ABLIM1: variants seen among roughly 807,000 people sequenced by gnomAD.
The protein encoded by ABLIM1 is actin binding LIM protein 1, also known as actin-binding LIM protein 1.
ABLIM1 carries 40 observed loss-of-function variants against 107.0 expected under a neutral mutation model. The observed-to-expected ratio is 0.37, with a 90% CI of 0.29 to 0.49. ABLIM1 has a LOEUF of 0.49. Among genes scored for constraint, ABLIM1 ranks in the 20% least tolerant of loss-of-function variants. The pLI, the probability that ABLIM1 is intolerant of heterozygous loss-of-function variation, is 0.97. For missense variants in ABLIM1, 857 were observed against 1,008.5 expected (o/e 0.85, Z 2.04); for synonymous variants, 357 against 357.3 (o/e 1.00, Z 0.01).
the ABLIM1 span, among the ~76,000 whole-genome samples, chr10:114,789,326 A>C: frequency 6.6e-6 from 1 of 152,360 alleles, no homozygotes; most frequent in South Asian, 2.1e-4. Context: ...TGCTAATTAA[A>C]ACCTTTCGAT....
chr10:114,485,764 T>C (rs2058098488), intron 8 of ABLIM1, among the ~76,000 whole-genome samples: 1 of 152,170 alleles, frequency 6.6e-6, no homozygotes, highest in African/African-American at 2.4e-5. Flanking sequence ...ACCCAGTGGG[T>C]TGCTGAAAGA....
chr10:114,439,839 G>A (rs1318303582), intron 20 of ABLIM1: 2 of 582,364 alleles, frequency 3.4e-6, no homozygotes, highest in Non-Finnish European at 6.0e-6. Flanking sequence ...ACTCTCCAAG[G>A]CCAAAGCAAG....
At chr10:114,734,583 G>C (rs958650576) in intron 1 of ABLIM1, among the ~76,000 whole-genome samples, 1 of 152,110 alleles carries the variant, frequency 6.6e-6, no homozygotes, top group African/African-American at 2.4e-5. Context: ...CCTTTGCAAT[G>C]ATCTGCAAAT....
intron 1 of ABLIM1, among the ~76,000 whole-genome samples, chr10:114,645,239 A>C (rs1260701681): frequency 2.0e-5 from 3 of 152,090 alleles, no homozygotes; most frequent in Non-Finnish European, 4.4e-5. Flanking sequence ...AACAATGGTG[A>C]TGGGGAGGTG....
rs1401720282 is a variant in ABLIM1 at position 114,461,397 on chromosome 10, T to G, written c.1441+4301A>C. ...TTTAAAATACACAACTGAAGGGTTT[T>G]TTTTTTTTTTTAAGAAAAAAAAACA... On this transcript the variant is annotated intron_variant, in intron 12 of 22. Coordinates refer to ENST00000533213, the MANE Select transcript of ABLIM1 (RefSeq NM_002313.7). 4.4e-3 allele frequency among the ~76,000 whole-genome samples: 634 copies of G among 144,562 alleles called. 6 individuals are homozygous for G. The highest frequency in any genetic ancestry group is 0.017 in the African/African-American group (606 of 35,878). The allele number at this position is 144,562 out of a possible 152,430, so 94.8% of individuals were successfully genotyped here.
chr10:114,737,662 A>T (rs2082206807), intron 1 of ABLIM1, among the ~76,000 whole-genome samples: 1 of 152,214 alleles, frequency 6.6e-6, no homozygotes. Flanking sequence ...AAGATGATGT[A>T]CTAAAGGAAC....
intron 1 of ABLIM1, among the ~76,000 whole-genome samples, chr10:114,627,511 G>A (rs553941423): frequency 6.6e-6 from 1 of 152,244 alleles, no homozygotes; most frequent in South Asian, 2.1e-4. Flanking sequence ...TGAGTACCCA[G>A]CACTTTGCCT....
chr10:114,684,046 GA>G (rs1229905167), intron 1 of ABLIM1, among the ~76,000 whole-genome samples: 1 of 152,176 alleles, frequency 6.6e-6, no homozygotes, highest in African/African-American at 2.4e-5. Flanking sequence ...TGCTACAAAA[GA>G]GTCATGTCGA....
chr10:114,617,652 T>C (rs758289257), intron 1 of ABLIM1, among the ~76,000 whole-genome samples: 2 of 152,188 alleles, frequency 1.3e-5, no homozygotes, highest in Non-Finnish European at 2.9e-5. Flanking sequence ...TCTACTCTGA[T>C]GCTTAAAGAA....
intron 4 of ABLIM1, among the ~76,000 whole-genome samples, chr10:114,561,916 AGGGAAAAGATGGATCACTCT>A (rs2069763950): frequency 6.6e-6 from 1 of 152,220 alleles, no homozygotes; most frequent in East Asian, 1.9e-4. Flanking sequence ...CAGGCTCAGG[AGGGAAAAGATGGATCACTCT>A]GGGATCTTGA....
chr10:114,728,096 C>T (rs188869642), intron 1 of ABLIM1, among the ~76,000 whole-genome samples: 59 of 152,156 alleles, frequency 3.9e-4, no homozygotes, highest in African/African-American at 1.3e-3. Context: ...TACTAATAGT[C>T]GGTTCACAAC....
At chr10:114,768,649 A>C (rs2082963176), upstream of ABLIM1, among the ~76,000 whole-genome samples, 1 of 151,976 alleles carries the variant, frequency 6.6e-6, no homozygotes, top group Non-Finnish European at 1.5e-5. Context: ...GGCTCTCGGA[A>C]AGCCTATGGG....
At chr10:114,498,628 A>G (rs568184942) in intron 6 of ABLIM1, among the ~76,000 whole-genome samples, 1 of 152,344 alleles carries the variant, frequency 6.6e-6, no homozygotes, top group Admixed American at 6.5e-5. Context: ...CCTGAAGTTC[A>G]ACCTTAATCC....
chr10:114,780,273 G>A, the ABLIM1 span, among the ~76,000 whole-genome samples: 2 of 152,188 alleles, frequency 1.3e-5, no homozygotes, highest in African/African-American at 2.4e-5. Flanking sequence ...GAAACTTTCT[G>A]TGGGAAGAAA....
intron 6 of ABLIM1, among the ~76,000 whole-genome samples, chr10:114,523,814 G>T (rs563362473): frequency 6.6e-6 from 1 of 152,302 alleles, no homozygotes; most frequent in South Asian, 2.1e-4. Flanking sequence ...ATCAATGACT[G>T]AGCAAATAGT....
At chr10:114,495,310 C>T (rs1041561640) in intron 6 of ABLIM1, among the ~76,000 whole-genome samples, 5 of 152,100 alleles carry the variant, frequency 3.3e-5, no homozygotes, top group Admixed American at 1.3e-4. Flanking sequence ...TTACCCCAGC[C>T]CGTACTGGAA....
chr10:114,690,279 C>T, intron 1 of ABLIM1: 1 of 1,555,296 alleles, frequency 6.4e-7, no homozygotes, highest in Non-Finnish European at 8.9e-7. Flanking sequence ...GCCATCCAAC[C>T]ACTCACTCTT....
At position 114,730,271 on chromosome 10, in the gene ABLIM1, G is replaced by A. The variant is rs563283172; in HGVS notation, c.-213+37790C>T. 3.3e-5 allele frequency among the ~76,000 whole-genome samples: 5 copies of A among 151,820 alleles called. No individual in the cohort carries two copies. In the South Asian group the frequency reaches 1.0e-3, roughly 32 times the overall value. On this transcript the variant is annotated intron_variant, in intron 1 of 15. Coordinates refer to the ABLIM1 transcript ENST00000651092. ...AAATTAGCCAGGTGTGGCGATGCAC[G>A]CCTATAATCCCAGCTACTCAGGAGG... is the stretch of plus-strand genomic sequence containing the variant.
chr10:114,490,754 C>CAT (rs2058801106), intron 7 of ABLIM1, among the ~76,000 whole-genome samples: 2 of 150,866 alleles, frequency 1.3e-5, no homozygotes, highest in Admixed American at 1.3e-4. Context: ...TATATATAAT[C>CAT]AGTTTCATAA....
Sources: gnomAD v4.1 joint callset for allele counts (sites outside exome capture counted in the v4.1 genomes callset) on GRCh38, gnomAD v4.1.1 for gene constraint, MANE v1.5 for transcripts, NCBI Gene and HGNC (gene_info 2026-07-23, HGNC 2026-07-21) for gene names.